Variants in RGL1 observed in about 807,000 individuals in gnomAD.
RGL1 encodes ral guanine nucleotide dissociation stimulator-like 1.
A neutral mutation model predicts 95.2 loss-of-function variants in RGL1; 24 were observed. That is an observed-to-expected ratio of 0.25 (90% confidence interval 0.18 to 0.35). The LOEUF (loss-of-function observed/expected upper bound fraction) is 0.35. Among genes scored for constraint, RGL1 ranks in the 10% least tolerant of loss-of-function variants. The pLI is 1.00. For synonymous variants in RGL1, 329 were observed against 344.9 expected (o/e 0.95, Z 0.51); for missense variants, 715 against 936.3 (o/e 0.76, Z 3.08).
At chr1:183,713,094 C>T (rs1655385239) in intron 1 of RGL1, among the ~76,000 whole-genome samples, 2 of 152,076 alleles carry the variant, frequency 1.3e-5, no homozygotes, top group Non-Finnish European at 1.5e-5. Flanking sequence ...GGCATGATCT[C>T]GGCTAACTGC....
At chr1:183,895,326 G>A (rs752153643) in intron 9 of RGL1, among the ~76,000 whole-genome samples, 2 of 152,100 alleles carry the variant, frequency 1.3e-5, no homozygotes, top group Non-Finnish European at 2.9e-5. Flanking sequence ...GATGAGGGTA[G>A]CTGAACTCTG....
chr1:183,690,755 A>C (rs1392418312), intron 1 of RGL1, among the ~76,000 whole-genome samples: 1 of 152,188 alleles, frequency 6.6e-6, no homozygotes, highest in African/African-American at 2.4e-5. Context: ...AATGTATTTC[A>C]ACCAGATCAT....
chr1:183,704,689 A>G (rs995441740), intron 1 of RGL1, among the ~76,000 whole-genome samples: 3 of 152,212 alleles, frequency 2.0e-5, no homozygotes, highest in African/African-American at 7.2e-5. Flanking sequence ...GGAGCTGGTT[A>G]GCATGGTGAT....
intron 1 of RGL1, among the ~76,000 whole-genome samples, chr1:183,693,497 T>C (rs1654078249): frequency 6.6e-6 from 1 of 151,828 alleles, no homozygotes; most frequent in Admixed American, 6.6e-5. Flanking sequence ...CTCTTCTCTT[T>C]CTTTCGATCA....
At chr1:183,784,587 C>T (rs1178794478) in intron 2 of RGL1, among the ~76,000 whole-genome samples, 1 of 152,164 alleles carries the variant, frequency 6.6e-6, no homozygotes, top group African/African-American at 2.4e-5. Flanking sequence ...ATGCCTTCTG[C>T]TTAAGGTTAT....
At chr1:183,670,588 T>A (rs1156338494) in intron 1 of RGL1, among the ~76,000 whole-genome samples, 1 of 152,222 alleles carries the variant, frequency 6.6e-6, no homozygotes, top group Non-Finnish European at 1.5e-5. Flanking sequence ...CTTGTTCCTG[T>A]GGAGGTTTTT....
At chr1:183,914,859 G>A (rs940776475) in intron 15 of RGL1, among the ~76,000 whole-genome samples, 12 of 152,168 alleles carry the variant, frequency 7.9e-5, no homozygotes, top group East Asian at 1.9e-4. Flanking sequence ...ACATGAAGGC[G>A]AAAAAATTGA....
chr1:183,842,186 C>T (rs1664101129), intron 2 of RGL1, among the ~76,000 whole-genome samples: 1 of 152,120 alleles, frequency 6.6e-6, no homozygotes, highest in Non-Finnish European at 1.5e-5. Flanking sequence ...CTTTGCTGCT[C>T]AGGCCAAGAT....
intron 2 of RGL1, among the ~76,000 whole-genome samples, chr1:183,786,784 G>A (rs1280980027): frequency 2.0e-5 from 3 of 152,114 alleles, no homozygotes; most frequent in Non-Finnish European, 4.4e-5. Flanking sequence ...TTAAGACTTT[G>A]GTCCAGCATT....
At chr1:183,647,539 G>C in intron 1 of RGL1, 12 of 1,326,904 alleles carry the variant, frequency 9.0e-6, no homozygotes, top group Non-Finnish European at 1.2e-5. Flanking sequence ...AGTTGATATG[G>C]TAAATAATTC....
chr1:183,740,239 G>A (rs923408585), intron 1 of RGL1, among the ~76,000 whole-genome samples: 2 of 151,966 alleles, frequency 1.3e-5, no homozygotes, highest in African/African-American at 4.8e-5. Context: ...TCATTTATTA[G>A]TGTGTCCACT....
chr1:183,744,314 CT>C (rs67225177), intron 2 of RGL1, among the ~76,000 whole-genome samples: 314 of 148,176 alleles, frequency 2.1e-3, no homozygotes, highest in Non-Finnish European at 2.6e-3. Flanking sequence ...GCACAACAGA[CT>C]TTTTTTTTTT....
intron 4 of RGL1, 126 bp downstream of exon 4, chr1:183,866,199 T>C: frequency 1.5e-6 from 1 of 688,720 alleles, no homozygotes; most frequent in Admixed American, 2.6e-5. Flanking sequence ...TACAGAGGCT[T>C]ATTTTTTGAT....
chr1:183,685,474 A>G (rs1653517886), intron 1 of RGL1, among the ~76,000 whole-genome samples: 2 of 152,242 alleles, frequency 1.3e-5, no homozygotes, highest in African/African-American at 4.8e-5. Flanking sequence ...TGTGGCAAAG[A>G]CTACAGTTTT....
At chr1:183,759,670 GTC>G (rs1658548973) in intron 2 of RGL1, among the ~76,000 whole-genome samples, 1 of 152,194 alleles carries the variant, frequency 6.6e-6, no homozygotes, top group South Asian at 2.1e-4. Flanking sequence ...AGTCAGGGAA[GTC>G]TCTCCAGCTC....
chr1:183,921,967 A>T (rs1226565382), intron 16 of RGL1, among the ~76,000 whole-genome samples: 2 of 152,240 alleles, frequency 1.3e-5, no homozygotes, highest in African/African-American at 4.8e-5. Context: ...AGGCAAGGAA[A>T]GCGTTCTCTC....
intron 1 of RGL1, among the ~76,000 whole-genome samples, chr1:183,665,303 T>C (rs1368458413): frequency 6.6e-6 from 1 of 152,186 alleles, no homozygotes; most frequent in African/African-American, 2.4e-5. Flanking sequence ...AATACTTTCG[T>C]TGAGAATTTT....
intron 1 of RGL1, among the ~76,000 whole-genome samples, chr1:183,737,318 T>C (rs1373531866): frequency 1.3e-5 from 2 of 152,248 alleles, no homozygotes; most frequent in African/African-American, 4.8e-5. Context: ...TCACTTAGGG[T>C]ATGAAGCCAT....
chr1:183,712,444 C>G (rs1330627524), intron 1 of RGL1, among the ~76,000 whole-genome samples: 1 of 152,090 alleles, frequency 6.6e-6, no homozygotes, highest in Non-Finnish European at 1.5e-5. Flanking sequence ...AGGAACTCTT[C>G]GTGTGTGCTT....
Sources: gnomAD v4.1 joint callset for allele counts (sites outside exome capture counted in the v4.1 genomes callset) on GRCh38, gnomAD v4.1.1 for gene constraint, MANE v1.5 for transcripts, NCBI Gene and HGNC (gene_info 2026-07-23, HGNC 2026-07-21) for gene names.